Variants in ZNF567 observed in about 807,000 individuals in gnomAD.
ZNF567 encodes zinc finger protein 567.
ZNF567 carries 36 observed loss-of-function variants against 53.9 expected under a neutral mutation model. That is an observed-to-expected ratio of 0.67 (90% CI 0.51 to 0.88). The LOEUF (loss-of-function observed/expected upper bound fraction) is 0.88, where lower values mean the gene tolerates loss of function less well. Among genes scored for constraint, ZNF567 ranks in the 40% least tolerant of loss-of-function variants. ZNF567 has a pLI of 0.00. For synonymous variants in ZNF567, 224 were observed against 260.4 expected (o/e 0.86, Z 1.35); for missense variants, 619 against 764.7 (o/e 0.81, Z 2.25).
downstream of ZNF567, among the ~76,000 whole-genome samples, chr19:36,725,719 G>A (rs1479707645): frequency 6.6e-6 from 1 of 152,094 alleles, no homozygotes; most frequent in Non-Finnish European, 1.5e-5. Context: ...CATGATCACA[G>A]CTCACTGCAG....
downstream of ZNF567, among the ~76,000 whole-genome samples, chr19:36,726,921 T>C (rs2040336676): frequency 6.6e-6 from 1 of 150,912 alleles, no homozygotes; most frequent in Admixed American, 6.6e-5. Flanking sequence ...TACTCAGCCT[T>C]TGCAAGGTGC....
upstream of ZNF567, chr19:36,685,693 C>G (rs756510609): frequency 6.6e-6 from 1 of 152,198 alleles, no homozygotes; most frequent in Non-Finnish European, 1.5e-5. Context: ...ACAATTATAT[C>G]AATATGGTCA....
intron 1 of ZNF567, among the ~76,000 whole-genome samples, chr19:36,687,879 G>A (rs1277080588): frequency 6.6e-6 from 1 of 152,166 alleles, no homozygotes; most frequent in Non-Finnish European, 1.5e-5. Flanking sequence ...GAGGCGGGGG[G>A]TGAGCTCCCC....
At chr19:36,703,078 G>T (rs932912120) in intron 3 of ZNF567, among the ~76,000 whole-genome samples, 8 of 152,204 alleles carry the variant, frequency 5.3e-5, no homozygotes, top group African/African-American at 1.9e-4. Context: ...GGTCTTTGAT[G>T]ATGGTGATGT....
the ZNF567 span, among the ~76,000 whole-genome samples, chr19:36,678,270 C>T: frequency 6.6e-6 from 1 of 152,180 alleles, no homozygotes; most frequent in Non-Finnish European, 1.5e-5. Flanking sequence ...TTCCCAAAGA[C>T]ACCTCACCAT....
At chr19:36,721,732 C>CTTTT (rs756276834), downstream of ZNF567, among the ~76,000 whole-genome samples, 2 of 121,670 alleles carry the variant, frequency 1.6e-5, no homozygotes, top group East Asian at 2.8e-4. Context: ...GTACCAGAGT[C>CTTTT]TTTTTTTTTT....
chr19:36,674,766 T>G, the ZNF567 span, among the ~76,000 whole-genome samples: 1 of 152,180 alleles, frequency 6.6e-6, no homozygotes, highest in Non-Finnish European at 1.5e-5. Flanking sequence ...AAAGCTTTTT[T>G]TTTTGGAGAC....
intron 3 of ZNF567, among the ~76,000 whole-genome samples, chr19:36,699,147 C>T (rs1409464200): frequency 6.6e-6 from 1 of 152,046 alleles, no homozygotes; most frequent in Non-Finnish European, 1.5e-5. Flanking sequence ...TATGGCTAGC[C>T]AGTTTTCCCA....
chr19:36,720,169 G>A lies in ZNF567; in HGVS notation c.1445G>A (p.Cys482Tyr), dbSNP rs905263494. Reference sequence around the variant, plus strand: ...GAGAAATCTTATGAATGTCCTCACTGTGGGAAGGCCTTTAGAATGAAGTCA... The same window carrying A: ...GAGAAATCTTATGAATGTCCTCACTATGGGAAGGCCTTTAGAATGAAGTCA... ...TGEKSYECPH[C>Y]GKAFRMKSYL... is the part of the protein sequence containing the mutation. The change falls in exon 6 of 6, where the codon TGT becomes TAT. Residue 482 changes from cysteine (C) to tyrosine (Y), a missense_variant. Cys to Tyr is a radical substitution (Grantham distance 194, BLOSUM62 -2). Transcript: ENST00000682579. 2 of 1,613,888 alleles carry A rather than the reference G, an allele frequency of 1.2e-6. No individual in the cohort carries two copies. Among genetic ancestry groups the A allele is most frequent in the African/African-American group, 1.3e-5 (1 of 74,894 alleles).
intron 2 of ZNF567, among the ~76,000 whole-genome samples, chr19:36,691,366 A>G (rs1469705836): frequency 6.6e-6 from 1 of 151,886 alleles, no homozygotes; most frequent in Non-Finnish European, 1.5e-5. Context: ...GGGTCTTGCT[A>G]TGTTTCCTAG....
intron 3 of ZNF567, among the ~76,000 whole-genome samples, chr19:36,700,609 T>G (rs1396500976): frequency 6.6e-6 from 1 of 152,120 alleles, no homozygotes; most frequent in Non-Finnish European, 1.5e-5. Flanking sequence ...GATCCTGTTA[T>G]TGGTCTATTC....
At chr19:36,686,244 G>C (rs1241260272), upstream of ZNF567, among the ~76,000 whole-genome samples, 1 of 152,118 alleles carries the variant, frequency 6.6e-6, no homozygotes, top group Non-Finnish European at 1.5e-5. Context: ...AAACTTCCTT[G>C]ACCTTGGTTT....
the ZNF567 span, among the ~76,000 whole-genome samples, chr19:36,674,596 C>G: frequency 6.6e-6 from 1 of 152,278 alleles, no homozygotes; most frequent in South Asian, 2.1e-4. Context: ...GAAAACAAAG[C>G]AGCAAGTCCA....
the ZNF567 span, among the ~76,000 whole-genome samples, chr19:36,678,695 T>A: frequency 2.0e-5 from 3 of 151,396 alleles, no homozygotes; most frequent in Non-Finnish European, 4.4e-5. Flanking sequence ...ATACAAAAAA[T>A]TCGCCAGGCG....
intron 3 of ZNF567, among the ~76,000 whole-genome samples, chr19:36,708,863 T>G (rs1050536206): frequency 1.6e-4 from 25 of 152,198 alleles, no homozygotes; most frequent in African/African-American, 5.8e-4. Flanking sequence ...TAATGATTCA[T>G]TTCATTCCTC....
At chr19:36,682,800 G>C (rs2038207159), upstream of ZNF567, among the ~76,000 whole-genome samples, 1 of 151,474 alleles carries the variant, frequency 6.6e-6, no homozygotes, top group South Asian at 2.1e-4. Context: ...GTAGAGACAG[G>C]GTTTCACCAT....
chr19:36,709,536 C>T (rs944840795), intron 3 of ZNF567, among the ~76,000 whole-genome samples: 16 of 152,032 alleles, frequency 1.1e-4, no homozygotes, highest in Admixed American at 6.6e-4. Flanking sequence ...CACTTTGTTG[C>T]CCAGGCTGAT....
At chr19:36,686,886 T>C (rs1200810629), upstream of ZNF567, 1 of 152,070 alleles carries the variant, frequency 6.6e-6, no homozygotes, top group Non-Finnish European at 1.5e-5. Flanking sequence ...AACTGCCGCT[T>C]AGGTGGGCAC....
chr19:36,715,500 A>ATT (rs2040008499), intron 5 of ZNF567, among the ~76,000 whole-genome samples: 15 of 74,690 alleles, frequency 2.0e-4, no homozygotes, highest in South Asian at 8.6e-4. Context: ...TAATAATAAT[A>ATT]ATAATAATAA....
Sources: allele counts gnomAD v4.1 joint callset (sites outside exome capture counted in the v4.1 genomes callset), GRCh38; gene constraint gnomAD v4.1.1; transcripts MANE v1.5; gene names NCBI Gene and HGNC (gene_info 2026-07-23, HGNC 2026-07-21).